The following PDGFRB variants were observed in gnomAD, a reference collection of about 807,000 sequenced individuals.
The protein encoded by PDGFRB is platelet-derived growth factor receptor beta.
In PDGFRB, 42 loss-of-function variants were observed where a neutral mutation model predicts 120.2. That is an observed-to-expected ratio of 0.35 (90% CI 0.27 to 0.45). The LOEUF is 0.45. Among genes scored for constraint, PDGFRB ranks in the 20% least tolerant of loss-of-function variants. PDGFRB has a pLI of 1.00. For missense variants in PDGFRB, 1,149 were observed against 1,476.3 expected, an observed-to-expected ratio of 0.78 and a Z score of 3.63; for synonymous variants, 586 against 606.8, an observed-to-expected ratio of 0.97 and a Z score of 0.50.
At position 150,133,677 on chromosome 5, in the gene PDGFRB, G is replaced by A. The variant is rs768640496; in HGVS notation, c.843C>T (p.Ala281=). 132 of 1,613,376 alleles carry A rather than the reference G, an allele frequency of 8.2e-5. No individual in the cohort carries two copies. Among genetic ancestry groups the A allele is most frequent in the Admixed American group, 2.7e-4 (16 of 59,972 alleles). The change falls in exon 6 of 23, where the codon GCC becomes GCT. Residue 281 remains alanine (A), a synonymous_variant. Transcript: ENST00000261799. ...HIRSILHIPS[A]ELEDSGTYTC... is the part of the protein sequence containing the mutation. ...TGTAGGTCCCCGAGTCTTCTAACTC[G>A]GCACTGGGGATGTGCAGGATGGAGC...
intron 1 of PDGFRB, among the ~76,000 whole-genome samples, chr5:150,139,127 A>C (rs1760713164): frequency 6.6e-6 from 1 of 152,100 alleles, no homozygotes; most frequent in Admixed American, 6.6e-5. Context: ...AGAGACTCTG[A>C]GCTAGGAGGT....
chr5:150,133,378 T>C (rs1411149844), intron 6 of PDGFRB, among the ~76,000 whole-genome samples: 2 of 152,104 alleles, frequency 1.3e-5, no homozygotes, highest in Non-Finnish European at 2.9e-5. Flanking sequence ...TATCCTGGAA[T>C]TGGGGTTTTG....
At position 150,135,030 on chromosome 5, in the gene PDGFRB, A is replaced by G; in HGVS notation, c.365-14T>C. The G allele has an allele frequency of 7.3e-7, 1 of 1,373,114 alleles. No individual in the cohort carries two copies. The allele number at this position is 1,373,114 out of a possible 1,614,324, so 85.1% of individuals were successfully genotyped here. On this transcript the variant is annotated splice_polypyrimidine_tract_variant and intron_variant, in intron 3 of 22. Coordinates refer to ENST00000261799, the MANE Select transcript of PDGFRB (RefSeq NM_002609.4). The stretch of plus-strand genomic sequence containing the variant: ...CCACGGTGGGATCTGCCAGGAGTGG[A>G]GCCGTGAATAAATCAGGGGAACTGG...
Position 150,122,038 on chromosome 5 carries a change from T to A in PDGFRB, c.2186A>T (p.His729Leu), listed in dbSNP as rs958226923. The A allele has an allele frequency of 3.7e-6, 6 of 1,612,924 alleles. No individual in the cohort carries two copies. The highest frequency in any genetic ancestry group is 5.1e-6 in the Non-Finnish European group (6 of 1,179,888). The change falls in exon 16 of 23, where the codon CAT becomes CTT. Residue 729 changes from histidine (H) to leucine (L), a missense_variant and splice_region_variant. Physicochemically the swap from His to Leu is moderately conservative, Grantham distance 99. Coordinates refer to ENST00000261799, the MANE Select transcript of PDGFRB (RefSeq NM_002609.4). ...ALPVGLPLPS[H>L]VSLTGESDGG... ...GTCGCTCTCCCCGGTCAAGGACACA[T>A]GGCTGGGGGTAAAGGAGCATCACAG...
At chr5:150,126,702 C>CACAT in intron 10 of PDGFRB, 88 bp from the exon 11 acceptor site, 1 of 758,456 alleles carries the variant, frequency 1.3e-6, no homozygotes, top group Non-Finnish European at 2.4e-6. Flanking sequence ...TCCCTCCGTA[C>CACAT]ACATCCTGTC....
chr5:150,143,050 T>C (rs1235475704), intron 1 of PDGFRB, among the ~76,000 whole-genome samples: 7 of 152,022 alleles, frequency 4.6e-5, no homozygotes, highest in Admixed American at 3.9e-4. Flanking sequence ...ATGGTGTTGA[T>C]GGCTGGATGT....
chr5:150,137,649 T>C (rs1217582995), intron 1 of PDGFRB, among the ~76,000 whole-genome samples: 2 of 152,058 alleles, frequency 1.3e-5, no homozygotes, highest in Non-Finnish European at 2.9e-5. Flanking sequence ...GCCCAGAGCA[T>C]ACAGGGAGGC....
intron 1 of PDGFRB, among the ~76,000 whole-genome samples, chr5:150,143,956 G>A (rs1183616800): frequency 7.2e-5 from 11 of 152,106 alleles, no homozygotes; most frequent in African/African-American, 9.7e-5. Flanking sequence ...TCTGTGCCAC[G>A]CTGCTTCTAG....
intron 12 of PDGFRB, 23 bp from the exon 13 acceptor site, chr5:150,124,854 G>A: frequency 7.7e-7 from 1 of 1,297,626 alleles, no homozygotes; most frequent in Non-Finnish European, 1.1e-6. Flanking sequence ...TGATCCATTA[G>A]CTCCTGGCCT....
At chr5:150,117,530 G>A (rs957386349) in intron 22 of PDGFRB, 88 bp downstream of exon 22, 14 of 559,730 alleles carry the variant, frequency 2.5e-5, no homozygotes, top group Non-Finnish European at 3.4e-5. Flanking sequence ...ACCTGGCAGC[G>A]CGCGCGCGCG....
intron 10 of PDGFRB, among the ~76,000 whole-genome samples, chr5:150,127,852 A>C (rs1026963210): frequency 6.6e-6 from 1 of 150,398 alleles, no homozygotes; most frequent in Non-Finnish European, 1.5e-5. Context: ...AAAAAAAAAA[A>C]AAAAAAACTT....
chr5:150,149,472 G>T (rs1761011816), intron 1 of PDGFRB, among the ~76,000 whole-genome samples: 1 of 152,176 alleles, frequency 6.6e-6, no homozygotes, highest in African/African-American at 2.4e-5. Flanking sequence ...CTGGACTAAA[G>T]GGGAGGCCAT....
At chr5:150,131,336 C>T (rs1760459163) in intron 8 of PDGFRB, among the ~76,000 whole-genome samples, 1 of 152,174 alleles carries the variant, frequency 6.6e-6, no homozygotes, top group Non-Finnish European at 1.5e-5. Flanking sequence ...TTGCTCTGGC[C>T]TTTGCACTGC....
intron 1 of PDGFRB, among the ~76,000 whole-genome samples, chr5:150,151,779 T>C (rs988954113): frequency 1.6e-4 from 24 of 151,158 alleles, no homozygotes; most frequent in African/African-American, 5.6e-4. Context: ...GGAGAATCAC[T>C]TGAGCTTGGG....
Position 150,133,621 on chromosome 5 carries a change from T to C in PDGFRB, c.899A>G (p.His300Arg), listed in dbSNP as rs546647851. 8.7e-6 allele frequency: 14 copies of C among 1,614,134 alleles called. No individual in the cohort carries two copies. In the African/African-American group the frequency reaches 1.1e-4, roughly 12 times the overall value. Residue 300 changes from histidine (H) to arginine (R), a missense_variant, in exon 6 of 23, where the codon CAT (histidine) becomes CGT (arginine). Coordinates refer to ENST00000261799, the MANE Select transcript of PDGFRB (RefSeq NM_002609.4). The stretch of plus-strand genomic sequence containing the variant: ...GATGTTGATGGCCTTTTCATCCTGA[T>C]GGTCATTCACACTCTCCGTCACATT... ...TCNVTESVND[H>R]QDEKAINITV...
At position 150,134,872 on chromosome 5, in the gene PDGFRB, G is replaced by A. The variant is rs2113910829; in HGVS notation, c.509C>T (p.Pro170Leu). ...GCCACGTTGGTGATCATAGGGGACA[G>A]GCAGTGCAACGTCCCCTTTCTTCTC... ...LHEKKGDVAL[P>L]VPYDHQRGFS... is the part of the protein sequence containing the mutation. Residue 170 changes from proline to leucine, a missense_variant, in exon 4 of 23, where the codon CCT (proline) becomes CTT (leucine). Physicochemically the swap from Pro to Leu is moderately conservative, Grantham distance 98. Around this residue, in one of 3 missense-constraint regions of PDGFRB, gnomAD observed 879 missense variants for 1,108.6 expected, o/e 0.79. Transcript: ENST00000261799. 6.2e-7 allele frequency: 1 copy of A among 1,614,054 alleles called. No individual in the cohort carries two copies. Among genetic ancestry groups the A allele is most frequent in the Non-Finnish European group, 8.5e-7 (1 of 1,179,882 alleles).
chr5:150,114,142 G>T lies in PDGFRB; in HGVS notation c.*1621C>A. On this transcript the variant is annotated 3_prime_UTR_variant, in exon 23 of 23. Coordinates refer to ENST00000261799, the MANE Select transcript of PDGFRB (RefSeq NM_002609.4). ...TTCCCAACCCTCCCCGTGCGGGGGCGTCTTGGCTACAACCCTGACTCCCCT... is the reference window on the plus strand; with the variant it reads ...TTCCCAACCCTCCCCGTGCGGGGGCTTCTTGGCTACAACCCTGACTCCCCT... 4.3e-6 allele frequency: 1 copy of T among 233,382 alleles called. No individual in the cohort carries two copies. Among genetic ancestry groups the T allele is most frequent in the Non-Finnish European group, 8.5e-6 (1 of 117,950 alleles). The allele number at this position is 233,382 out of a possible 1,614,324, so 14.5% of individuals were successfully genotyped here.
chr5:150,134,590 C>T (rs1562010475), intron 4 of PDGFRB, 160 bp downstream of exon 4: 1 of 681,988 alleles, frequency 1.5e-6, no homozygotes, highest in South Asian at 2.1e-5. Flanking sequence ...GCCTGAGTTT[C>T]CCTCTTCTGT....
chr5:150,127,353 G>A (rs1760324056), intron 10 of PDGFRB, among the ~76,000 whole-genome samples: 1 of 152,102 alleles, frequency 6.6e-6, no homozygotes, highest in Non-Finnish European at 1.5e-5. Context: ...CACCCATGAG[G>A]TCCTATGGAA....
Sources: gnomAD v4.1 joint callset for allele counts (sites outside exome capture counted in the v4.1 genomes callset) on GRCh38, gnomAD v4.1.1 for gene constraint, gnomAD v4.1.1 regional missense constraint, MANE v1.5 for transcripts, NCBI Gene and HGNC (gene_info 2026-07-23, HGNC 2026-07-21) for gene names.